CDK14: variants seen among roughly 807,000 people sequenced by gnomAD.
The protein encoded by CDK14 is cyclin dependent kinase 14.
In CDK14, 34 loss-of-function variants were observed where a neutral mutation model predicts 60.7. The observed-to-expected ratio is 0.56, with a 90% CI of 0.43 to 0.75. CDK14 has a LOEUF of 0.75. Ranked by LOEUF, CDK14 falls within the 30% of genes least tolerant of loss-of-function variation. The pLI is 0.00. For missense variants in CDK14, 482 were observed against 564.1 expected (o/e 0.85, Z 1.47); for synonymous variants, 197 against 203.7 (o/e 0.97, Z 0.28).
intron 14 of CDK14, among the ~76,000 whole-genome samples, chr7:91,145,330 C>T (rs1376861127): frequency 1.3e-5 from 2 of 152,208 alleles, no homozygotes; most frequent in Non-Finnish European, 2.9e-5. Flanking sequence ...GCCAGGGCTG[C>T]ATGCCAACAT....
At chr7:90,854,436 A>G (rs1790753196) in intron 5 of CDK14, among the ~76,000 whole-genome samples, 2 of 152,192 alleles carry the variant, frequency 1.3e-5, no homozygotes. Context: ...CCAGCTGCTC[A>G]GGAGGATCAC....
chr7:90,862,408 G>A (rs1791038097), intron 5 of CDK14, among the ~76,000 whole-genome samples: 1 of 152,070 alleles, frequency 6.6e-6, no homozygotes, highest in South Asian at 2.1e-4. Context: ...AATTTACTAG[G>A]AGTAAAGAGG....
rs553419476 is a variant in CDK14, at chr7:91,180,747, A to G, written c.*29-26418A>G. 6.6e-5 allele frequency among the ~76,000 whole-genome samples: 10 copies of G among 152,342 alleles called. No individual in the cohort carries two copies. In the East Asian group the frequency reaches 1.7e-3, roughly 26 times the overall value. Reference sequence around the variant, plus strand: ...TTTGGTCAGAAATGCCTTAAAAGCCAAAGTGGAACTTGACTGGGATTTAGA... The same window carrying G: ...TTTGGTCAGAAATGCCTTAAAAGCCGAAGTGGAACTTGACTGGGATTTAGA... On this transcript the variant is annotated intron_variant, in intron 14 of 14. Transcript: ENST00000380050.
intron 5 of CDK14, among the ~76,000 whole-genome samples, chr7:90,792,671 G>T (rs780419785): frequency 2.1e-4 from 32 of 151,976 alleles, no homozygotes; most frequent in Non-Finnish European, 2.2e-4. Flanking sequence ...CCTAGTCCAG[G>T]ATACCATCAG....
chr7:91,149,259 G>A (rs43020), intron 14 of CDK14, among the ~76,000 whole-genome samples: 50,535 of 151,116 alleles, frequency 0.33, 10,639 homozygotes, highest in Non-Finnish European at 0.48. Context: ...TTTTCCGAAC[G>A]TGCCATTCAC....
At position 91,008,146 on chromosome 7, in the gene CDK14, C is replaced by CA. The variant is rs1394465227; in HGVS notation, c.1041+23908dup. ...GAAGGCCAAAAAAAAAAAAAAAAAA[C>CA]AAACAAAAAAAAACAGTGGATGGTG... On this transcript the variant is annotated intron_variant, in intron 10 of 14. Coordinates refer to ENST00000380050, the MANE Select transcript of CDK14 (RefSeq NM_001287135.2). Among the ~76,000 whole-genome samples the CA allele has an allele frequency of 1.3e-3, 111 of 84,114 alleles. 5 individuals carry two copies. Among genetic ancestry groups the CA allele is most frequent in the African/African-American group, 4.1e-3 (95 of 23,300 alleles). 55.2% of individuals were successfully genotyped at this position (84,114 alleles called of 152,430 possible).
chr7:90,638,919 G>A (rs563848626), intron 2 of CDK14, among the ~76,000 whole-genome samples: 8 of 151,748 alleles, frequency 5.3e-5, no homozygotes, highest in African/African-American at 1.2e-4. Flanking sequence ...CCAGTTGATC[G>A]CATCGGCTCC....
intron 2 of CDK14, among the ~76,000 whole-genome samples, chr7:90,641,478 A>C (rs945426646): frequency 5.3e-5 from 8 of 152,228 alleles, no homozygotes; most frequent in Non-Finnish European, 4.4e-5. Flanking sequence ...CTGCAACATG[A>C]GTGAACTTTG....
intron 2 of CDK14, among the ~76,000 whole-genome samples, chr7:90,641,555 G>A (rs895368412): frequency 2.6e-5 from 4 of 152,022 alleles, no homozygotes; most frequent in African/African-American, 7.2e-5. Context: ...CTGTTTATAT[G>A]AAATGTCCAA....
chr7:90,599,039 G>A (rs1341018993), intron 1 of CDK14, among the ~76,000 whole-genome samples: 2 of 152,220 alleles, frequency 1.3e-5, no homozygotes, highest in East Asian at 3.8e-4. Flanking sequence ...AGGTTGTTGA[G>A]TTGAGGGCTT....
intron 9 of CDK14, among the ~76,000 whole-genome samples, chr7:90,977,436 A>G (rs1795105403): frequency 6.7e-6 from 1 of 149,900 alleles, no homozygotes; most frequent in East Asian, 2.0e-4. Context: ...AAGAGGAATT[A>G]GGGAGGAATA....
At chr7:90,847,608 T>C (rs1790509557) in intron 5 of CDK14, among the ~76,000 whole-genome samples, 1 of 152,154 alleles carries the variant, frequency 6.6e-6, no homozygotes, top group Non-Finnish European at 1.5e-5. Context: ...TTGATGTTTT[T>C]CCCCATAGAC....
intron 7 of CDK14, among the ~76,000 whole-genome samples, chr7:90,915,054 G>T (rs1562826293): frequency 6.6e-6 from 1 of 152,182 alleles, no homozygotes; most frequent in Admixed American, 6.5e-5. Context: ...TTGCAGGGGT[G>T]GTCAGGGAAG....
rs1790641497 is a variant in CDK14 at position 90,851,400 on chromosome 7, A to AT, written c.545-11773dup. On this transcript the variant is annotated intron_variant, in intron 5 of 14. Transcript: ENST00000380050. ...TGTACATGAAACAAGATGAAAACTTATTAGAAAGGGAAGCATGGGTCAGTA... is the reference window on the plus strand; with the variant it reads ...TGTACATGAAACAAGATGAAAACTTATTTAGAAAGGGAAGCATGGGTCAGTA... 2.0e-5 allele frequency among the ~76,000 whole-genome samples: 3 copies of AT among 152,292 alleles called. No homozygotes were observed. In the South Asian group the frequency reaches 6.2e-4, roughly 32 times the overall value.
intron 4 of CDK14, among the ~76,000 whole-genome samples, chr7:90,759,287 C>A (rs1458537417): frequency 6.6e-6 from 1 of 152,082 alleles, no homozygotes; most frequent in Non-Finnish European, 1.5e-5. Context: ...TTACTCCTTC[C>A]CCCCAAGCAA....
At chr7:91,110,572 A>G (rs950952081) in intron 12 of CDK14, among the ~76,000 whole-genome samples, 2 of 152,062 alleles carry the variant, frequency 1.3e-5, no homozygotes, top group African/African-American at 4.8e-5. Flanking sequence ...TGTTTTTTAT[A>G]CTCTTGACTT....
chr7:90,798,188 ATTTT>A (rs10617120), intron 5 of CDK14, among the ~76,000 whole-genome samples: 4 of 146,950 alleles, frequency 2.7e-5, no homozygotes, highest in Admixed American at 6.8e-5. Context: ...CTTCTGAGTG[ATTTT>A]TTTTTTTTTT....
intron 1 of CDK14, among the ~76,000 whole-genome samples, chr7:90,600,568 C>T (rs371810094): frequency 6.6e-6 from 1 of 152,186 alleles, no homozygotes; most frequent in African/African-American, 2.4e-5. Flanking sequence ...GCTGTGATTA[C>T]ACTGAACTTT....
intron 5 of CDK14, among the ~76,000 whole-genome samples, chr7:90,803,985 G>A (rs1788736919): frequency 6.6e-6 from 1 of 152,206 alleles, no homozygotes; most frequent in Non-Finnish European, 1.5e-5. Flanking sequence ...TAGGCACTCA[G>A]GGTATGTTGA....
Sources: allele counts gnomAD v4.1 joint callset (sites outside exome capture counted in the v4.1 genomes callset), GRCh38; gene constraint gnomAD v4.1.1; transcripts MANE v1.5; gene names NCBI Gene and HGNC (gene_info 2026-07-23, HGNC 2026-07-21).